The following MTRES1 variants were observed in gnomAD, a reference collection of about 807,000 sequenced individuals.
MTRES1 encodes the protein uncharacterized protein C6orf203.
In MTRES1, 11 loss-of-function variants were observed where a neutral mutation model predicts 17.4. That is an observed-to-expected ratio of 0.63 (90% confidence interval 0.40 to 1.05). The LOEUF is 1.05. Among genes scored for constraint, MTRES1 ranks in the 50% least tolerant of loss-of-function variants. The pLI is 0.00. For missense variants in MTRES1, 268 were observed against 276.2 expected (o/e 0.97, Z 0.21); for synonymous variants, 94 against 99.6 (o/e 0.94, Z 0.34).
chr6:107,031,337 G>A (rs1406191283), intron 1 of MTRES1, among the ~76,000 whole-genome samples: 7 of 139,770 alleles, frequency 5.0e-5, no homozygotes, highest in Middle Eastern at 3.7e-3. Flanking sequence ...AGCCAAGATC[G>A]CGCCACCCAC....
At chr6:107,045,572 T>G (rs1335766198) in intron 3 of MTRES1, among the ~76,000 whole-genome samples, 1 of 152,240 alleles carries the variant, frequency 6.6e-6, no homozygotes, top group African/African-American at 2.4e-5. Context: ...ATACTGCTGT[T>G]ACTAGCATTT....
At chr6:107,039,338 G>A (rs2114954012) in intron 1 of MTRES1, among the ~76,000 whole-genome samples, 1 of 151,544 alleles carries the variant, frequency 6.6e-6, no homozygotes, top group African/African-American at 2.4e-5. Context: ...TTTAATTTTG[G>A]GATGTGGTTT....
intron 2 of MTRES1, among the ~76,000 whole-genome samples, chr6:107,043,501 A>G: frequency 6.6e-6 from 1 of 152,232 alleles, no homozygotes; most frequent in East Asian, 1.9e-4. Flanking sequence ...CAGAAAACTT[A>G]ACTACTAATA....
At chr6:107,046,724 G>A (rs1282712189) in intron 3 of MTRES1, among the ~76,000 whole-genome samples, 3 of 152,126 alleles carry the variant, frequency 2.0e-5, no homozygotes. Context: ...GGCTGTCTGC[G>A]ATTCAGCAAA....
At chr6:107,033,845 C>A (rs1440647029) in intron 1 of MTRES1, among the ~76,000 whole-genome samples, 2 of 152,096 alleles carry the variant, frequency 1.3e-5, no homozygotes, top group Admixed American at 6.6e-5. Flanking sequence ...TAACAAAGTT[C>A]TGAGGCAGAA....
rs34148089 is a variant in MTRES1, at chr6:107,031,608, A to ATT, written c.-13+3348_-13+3349dup. On this transcript the variant is annotated intron_variant, in intron 1 of 3. Transcript: ENST00000311381. ...CAGATGCCTGCCATCGTGCCCAGCT[A>ATT]TTTTTTTTTTTTGAGACGTCTCACT... 1.7e-3 allele frequency among the ~76,000 whole-genome samples: 248 copies of ATT among 143,080 alleles called. 1 individual carries two copies. The highest frequency in any genetic ancestry group is 7.4e-3 in the Middle Eastern group (2 of 270). 93.9% of individuals were successfully genotyped at this position (143,080 alleles called of 152,430 possible).
intron 1 of MTRES1, among the ~76,000 whole-genome samples, chr6:107,037,757 C>T (rs1178775633): frequency 6.6e-6 from 1 of 151,956 alleles, no homozygotes; most frequent in Non-Finnish European, 1.5e-5. Context: ...CTCACTCTAT[C>T]GCCCAGGCTG....
At chr6:107,038,600 A>G (rs962748975) in intron 1 of MTRES1, among the ~76,000 whole-genome samples, 2 of 152,106 alleles carry the variant, frequency 1.3e-5, no homozygotes, top group Non-Finnish European at 1.5e-5. Context: ...CAATTTGCTC[A>G]CCCTTACCTC....
intron 2 of MTRES1, among the ~76,000 whole-genome samples, chr6:107,043,190 C>T (rs200341560): frequency 3.3e-5 from 5 of 152,114 alleles, no homozygotes; most frequent in African/African-American, 1.2e-4. Flanking sequence ...AAAAATTACC[C>T]AGGCGTGGTG....
intron 1 of MTRES1, among the ~76,000 whole-genome samples, chr6:107,029,191 A>ATTTTTTTTTTTTT (rs35093769): frequency 5.1e-5 from 5 of 98,858 alleles, no homozygotes; most frequent in South Asian, 5.7e-4. Context: ...ACACCCGGCT[A>ATTTTTTTTTTTTT]TTTTTTTTTT....
chr6:107,044,174 TG>T, intron 2 of MTRES1, 85 bp from the exon 3 acceptor site: 1 of 896,792 alleles, frequency 1.1e-6, no homozygotes, highest in Non-Finnish European at 1.8e-6. Context: ...TTTTGTTACG[TG>T]GATATACTGT....
intron 1 of MTRES1, among the ~76,000 whole-genome samples, chr6:107,037,594 G>A (rs1218178813): frequency 6.6e-6 from 1 of 152,142 alleles, no homozygotes; most frequent in Non-Finnish European, 1.5e-5. Flanking sequence ...TTATGAATGG[G>A]TATTATTCAT....
chr6:107,038,110 A>C (rs1476781481), intron 1 of MTRES1, among the ~76,000 whole-genome samples: 1 of 152,162 alleles, frequency 6.6e-6, no homozygotes, highest in Non-Finnish European at 1.5e-5. Context: ...CTTAGATTGG[A>C]GTCCCAAGAG....
rs782771107 is a variant in MTRES1 at position 107,040,016 on chromosome 6, AG to A, written c.257del (p.Ser86IlefsTer3). The A allele has an allele frequency of 6.2e-7, 1 of 1,613,570 alleles. No homozygotes were observed. Among genetic ancestry groups the A allele is most frequent in the Admixed American group, 1.7e-5 (1 of 59,934 alleles). The part of the protein sequence containing the change: ...CIFPFSVRLK[S>X]NIRSTKSTKK... Reference sequence around the variant, plus strand: ...TTTTCCTTTTTCCGTAAGACTCAAAAGTAATATAAGGTCTACAAAATCTACT... The same window carrying A: ...TTTTCCTTTTTCCGTAAGACTCAAAATAATATAAGGTCTACAAAATCTACT... On this transcript the variant is annotated frameshift_variant, in exon 2 of 4. Coordinates refer to ENST00000311381, the MANE Select transcript of MTRES1 (RefSeq NM_016487.5). LOFTEE classifies it high-confidence loss of function.
At chr6:107,030,179 A>C in intron 1 of MTRES1, 1 of 718,338 alleles carries the variant, frequency 1.4e-6, no homozygotes, top group Non-Finnish European at 2.6e-6. Flanking sequence ...TTGGCAGATG[A>C]GGTTGGAGAG....
At chr6:107,040,358 G>T (rs1467984388) in intron 2 of MTRES1, 128 bp downstream of exon 2, 1 of 749,394 alleles carries the variant, frequency 1.3e-6, no homozygotes, top group Non-Finnish European at 2.0e-6. Context: ...TAGGTAACCT[G>T]TTTCAATTAT....
At chr6:107,040,545 G>A (rs550220319) in intron 2 of MTRES1, 18 of 206,636 alleles carry the variant, frequency 8.7e-5, no homozygotes, top group South Asian at 7.3e-4. Context: ...AACGTAAAAT[G>A]TACCTGGATA....
chr6:107,038,584 TCTGTCC>T (rs1162391422), intron 1 of MTRES1, among the ~76,000 whole-genome samples: 14 of 152,148 alleles, frequency 9.2e-5, no homozygotes, highest in African/African-American at 3.4e-4. Context: ...AAAATGCAGG[TCTGTCC>T]AATTTGCTCA....
At chr6:107,036,004 T>C (rs968382548) in intron 1 of MTRES1, among the ~76,000 whole-genome samples, 3 of 152,156 alleles carry the variant, frequency 2.0e-5, no homozygotes, top group African/African-American at 7.2e-5. Flanking sequence ...TATATACATA[T>C]AATCAGAAAT....
Sources: allele counts gnomAD v4.1 joint callset (sites outside exome capture counted in the v4.1 genomes callset), GRCh38; gene constraint gnomAD v4.1.1; transcripts MANE v1.5; gene names NCBI Gene and HGNC (gene_info 2026-07-23, HGNC 2026-07-21).